The following BLTP1 variants were observed in gnomAD, a reference collection of about 807,000 sequenced individuals.
BLTP1 encodes the protein fragile site-associated protein.
chr4:122,324,577 T>C, the BLTP1 span: 4 of 1,525,840 alleles, frequency 2.6e-6, no homozygotes, highest in Middle Eastern at 1.7e-4. Flanking sequence ...AATAAAATTG[T>C]TGACTCTTTT....
chr4:122,228,964 T>A, the BLTP1 span: 1 of 251,640 alleles, frequency 4.0e-6, no homozygotes, highest in African/African-American at 2.3e-5. Context: ...CTTTAACTGC[T>A]GATTTCATTT....
At chr4:122,169,682 C>G in the BLTP1 span, 1 of 961,854 alleles carries the variant, frequency 1.0e-6, no homozygotes, top group Non-Finnish European at 1.2e-6. Flanking sequence ...CATATACACA[C>G]ATATCTATAT....
chr4:122,309,377 A>C, the BLTP1 span: 1 of 1,613,518 alleles, frequency 6.2e-7, no homozygotes. Flanking sequence ...GCATTTCAAA[A>C]ACTTTTGTAT....
the BLTP1 span, among the ~76,000 whole-genome samples, chr4:122,356,402 A>AT: frequency 6.6e-6 from 1 of 152,198 alleles, no homozygotes; most frequent in African/African-American, 2.4e-5. Context: ...AGAATCCAAA[A>AT]TTTGAAAGAC....
the BLTP1 span, among the ~76,000 whole-genome samples, chr4:122,310,332 C>A: frequency 6.6e-6 from 1 of 151,818 alleles, no homozygotes; most frequent in Non-Finnish European, 1.5e-5. Context: ...TTCCTACTAC[C>A]CTTTTAGGCT....
At chr4:122,267,589 T>A in the BLTP1 span, 1 of 959,842 alleles carries the variant, frequency 1.0e-6, no homozygotes, top group Non-Finnish European at 1.2e-6. Flanking sequence ...ATCTTAAGGG[T>A]TCTGGGTTGA....
At chr4:122,189,459 C>A in the BLTP1 span, 1 of 965,468 alleles carries the variant, frequency 1.0e-6, no homozygotes, top group African/African-American at 1.8e-5. Flanking sequence ...ATTAAATATT[C>A]ATGGAAATAG....
At chr4:122,252,817 C>T in the BLTP1 span, among the ~76,000 whole-genome samples, 3 of 152,186 alleles carry the variant, frequency 2.0e-5, no homozygotes, top group Non-Finnish European at 4.4e-5. Context: ...TAGGCAGAAG[C>T]CAGGTAGTGG....
At chr4:122,261,307 T>G in the BLTP1 span, 2 of 985,308 alleles carry the variant, frequency 2.0e-6, no homozygotes, top group Non-Finnish European at 2.4e-6. Context: ...GAATCATATT[T>G]AGGTGTTTTC....
the BLTP1 span, chr4:122,288,689 A>AATCAATC: frequency 6.6e-6 from 2 of 304,438 alleles, no homozygotes; most frequent in African/African-American, 5.2e-5. Flanking sequence ...ATAAATAAAT[A>AATCAATC]AATAAATCTA....
At chr4:122,231,832 G>T in the BLTP1 span, 2 of 969,912 alleles carry the variant, frequency 2.1e-6, no homozygotes, top group Non-Finnish European at 2.5e-6. Flanking sequence ...AGAACCTGGG[G>T]TCCATTTTTC....
the BLTP1 span, chr4:122,328,717 A>G: frequency 4.1e-6 from 4 of 983,478 alleles, no homozygotes; most frequent in South Asian, 4.7e-5. Context: ...AGTGAAGGCT[A>G]GTTAAGAAAA....
chr4:122,170,081 C>A, the BLTP1 span: 140 of 705,838 alleles, frequency 2.0e-4, no homozygotes, highest in Middle Eastern at 1.4e-3. Context: ...TCGAGGCAGG[C>A]GGATCACCTG....
the BLTP1 span, chr4:122,209,901 C>A: frequency 1.2e-6 from 2 of 1,613,274 alleles, no homozygotes; most frequent in Non-Finnish European, 1.7e-6. Context: ...CCACAAAAAG[C>A]AGATGAACAG....
At chr4:122,308,221 T>G in the BLTP1 span, 2 of 1,558,508 alleles carry the variant, frequency 1.3e-6, no homozygotes, top group Non-Finnish European at 1.8e-6. Flanking sequence ...TAACCATTTC[T>G]AAGTATTTAG....
At chr4:122,208,950 G>T in the BLTP1 span, among the ~76,000 whole-genome samples, 1 of 143,078 alleles carries the variant, frequency 7.0e-6, no homozygotes, top group Non-Finnish European at 1.5e-5. Flanking sequence ...GGAGTTCAAG[G>T]CTTCACTCCA....
the BLTP1 span, chr4:122,273,079 A>G: frequency 3.4e-6 from 1 of 292,510 alleles, no homozygotes; most frequent in African/African-American, 2.3e-5. Flanking sequence ...CTCTTGCAGC[A>G]ATGATTATAT....
the BLTP1 span, chr4:122,226,783 A>T: frequency 2.5e-6 from 4 of 1,613,482 alleles, no homozygotes; most frequent in Non-Finnish European, 3.4e-6. Context: ...GAAAGACCGA[A>T]ATCAGTTATA....
chr4:122,238,324 G>T, the BLTP1 span: 3 of 1,613,994 alleles, frequency 1.9e-6, no homozygotes, highest in South Asian at 3.3e-5. Flanking sequence ...TCTTGCATGG[G>T]ACAAAAAGAG....
Sources: allele counts gnomAD v4.1 joint callset (sites outside exome capture counted in the v4.1 genomes callset), GRCh38; gene constraint gnomAD v4.1.1; transcripts MANE v1.5; gene names NCBI Gene and HGNC (gene_info 2026-07-23, HGNC 2026-07-21).